TBC1D32: variants seen among roughly 807,000 people sequenced by gnomAD.
The protein encoded by TBC1D32 is protein broad-minded.
In TBC1D32, 151 loss-of-function variants were observed where a neutral mutation model predicts 170.3. That is an observed-to-expected ratio of 0.89 (90% CI 0.78 to 1.01). The LOEUF is 1.01. Among genes scored for constraint, TBC1D32 ranks in the 50% least tolerant of loss-of-function variants. The pLI is 0.00. For synonymous variants in TBC1D32, 498 were observed against 488.0 expected (o/e 1.02, Z -0.27); for missense variants, 1,464 against 1,457.1 (o/e 1.00, Z -0.08).
intron 29 of TBC1D32, among the ~76,000 whole-genome samples, chr6:121,109,733 A>G (rs1443117050): frequency 6.6e-6 from 1 of 152,142 alleles, no homozygotes; most frequent in Non-Finnish European, 1.5e-5. Context: ...TCAAAGGATA[A>G]TTTTTCAAAC....
At chr6:121,181,931 T>C (rs1463150895) in intron 22 of TBC1D32, among the ~76,000 whole-genome samples, 1 of 152,076 alleles carries the variant, frequency 6.6e-6, no homozygotes, top group African/African-American at 2.4e-5. Context: ...GCAGATTTCA[T>C]GGAAGTAGGG....
At position 121,256,403 on chromosome 6, in the gene TBC1D32, A is replaced by G. The variant is rs1238617995; in HGVS notation, c.1734-118T>C. Reference sequence around the variant, plus strand: ...AGTCCTCCTCTAACTTTTCTCAGACATGTCAATATTCACGTTCCCACCCAT... The same window carrying G: ...AGTCCTCCTCTAACTTTTCTCAGACGTGTCAATATTCACGTTCCCACCCAT... On this transcript the variant is annotated intron_variant, in intron 15 of 31. Transcript: ENST00000398212. 1.0e-5 allele frequency: 8 copies of G among 790,104 alleles called. No individual in the cohort carries two copies. In the South Asian group the frequency reaches 1.5e-4, roughly 15 times the overall value. 48.9% of individuals were successfully genotyped at this position (790,104 alleles called of 1,614,324 possible).
intron 22 of TBC1D32, among the ~76,000 whole-genome samples, chr6:121,185,691 C>A (rs543320339): frequency 6.6e-6 from 1 of 152,178 alleles, no homozygotes; most frequent in Admixed American, 6.6e-5. Flanking sequence ...AACTTCACAT[C>A]CTTGGCTACT....
intron 15 of TBC1D32, among the ~76,000 whole-genome samples, chr6:121,277,109 A>C (rs1053449567): frequency 6.6e-6 from 1 of 152,300 alleles, no homozygotes; most frequent in African/African-American, 2.4e-5. Context: ...TACAGAGATA[A>C]TTCACTAAGA....
chr6:121,089,900 T>G (rs974644660), intron 31 of TBC1D32, among the ~76,000 whole-genome samples: 8 of 151,836 alleles, frequency 5.3e-5, no homozygotes, highest in African/African-American at 1.9e-4. Flanking sequence ...ATGGCAAAGG[T>G]AGTAGGGATA....
At chr6:121,303,575 G>T in intron 9 of TBC1D32, 42 bp downstream of exon 9, 1 of 1,410,210 alleles carries the variant, frequency 7.1e-7, no homozygotes, top group Non-Finnish European at 9.5e-7. Context: ...AAATGATATA[G>T]CAATGCACTA....
intron 30 of TBC1D32, among the ~76,000 whole-genome samples, chr6:121,091,858 C>T (rs570210901): frequency 6.6e-5 from 10 of 152,182 alleles, no homozygotes; most frequent in African/African-American, 9.6e-5. Context: ...GAGGTCATTA[C>T]GGTGAGCCCT....
chr6:121,123,334 G>C (rs1467564600), intron 26 of TBC1D32, among the ~76,000 whole-genome samples: 3 of 152,038 alleles, frequency 2.0e-5, no homozygotes, highest in Admixed American at 2.0e-4. Context: ...GCCAAAAGTA[G>C]AGTGAAGTCC....
At chr6:121,273,437 C>A (rs111489655) in intron 15 of TBC1D32, among the ~76,000 whole-genome samples, 2,836 of 151,144 alleles carry the variant, frequency 0.019, 97 homozygotes, top group African/African-American at 0.066. Context: ...GAGAACTGAA[C>A]AATGAGAACA....
chr6:121,183,074 C>T (rs1005867655), intron 22 of TBC1D32, among the ~76,000 whole-genome samples: 3 of 151,364 alleles, frequency 2.0e-5, no homozygotes, highest in Non-Finnish European at 4.4e-5. Flanking sequence ...GTAAATACAC[C>T]AGAGCATCTC....
chr6:121,198,480 G>C lies in TBC1D32; in HGVS notation c.2570+6595C>G, dbSNP rs139031322. Among the ~76,000 whole-genome samples the C allele has an allele frequency of 9.3e-3, 1,401 of 150,452 alleles. 80 individuals carry two copies. The highest frequency in any genetic ancestry group is 0.033 in the African/African-American group (1,315 of 40,150). On this transcript the variant is annotated intron_variant, in intron 22 of 31. Coordinates refer to ENST00000398212, the MANE Select transcript of TBC1D32 (RefSeq NM_152730.6). ...CAGTAAAGAGTGACCGGCCTGGCAC[G>C]GTGGCTCATGCCAGTAATCCCAGCA...
rs200654402 is a variant in TBC1D32, at chr6:121,304,782, T to C, written c.742A>G (p.Met248Val). The C allele has an allele frequency of 1.3e-5, 21 of 1,608,486 alleles. No individual in the cohort carries two copies. Among genetic ancestry groups the C allele is most frequent in the African/African-American group, 4.0e-5 (3 of 74,618 alleles). The change falls in exon 6 of 32, where the codon ATG becomes GTG. Residue 248 changes from methionine to valine, a missense_variant. Met to Val is a conservative substitution (Grantham distance 21). Around this residue, in one of 3 missense-constraint regions of TBC1D32, gnomAD observed 1,363 missense variants for 1,338.1 expected, o/e 1.02. Transcript: ENST00000398212. The part of the protein sequence containing the change: ...AQTFLLSPLH[M>V]TKEIYTSLAK... ...AAGCTTGTATAAATTTCCTTGGTCATATGTAATGGAGAAAGCAAAAATGTC... is the reference window on the plus strand; with the variant it reads ...AAGCTTGTATAAATTTCCTTGGTCACATGTAATGGAGAAAGCAAAAATGTC...
rs955942446 is a variant in TBC1D32 at position 121,281,327 on chromosome 6, A to C, written c.1608+217T>G. Among the ~76,000 whole-genome samples the C allele has an allele frequency of 3.7e-4, 56 of 151,738 alleles. 1 individual carries two copies. The highest frequency in any genetic ancestry group is 1.3e-3 in the African/African-American group (56 of 41,516). ...ATCTAGTCCAATTAAAAAAAAACTT[A>C]GATATTCTATGTTCTTTCCCTCTGC... On this transcript the variant is annotated intron_variant, in intron 14 of 31. Coordinates refer to ENST00000398212, the MANE Select transcript of TBC1D32 (RefSeq NM_152730.6).
chr6:121,306,212 T>A (rs553924205), intron 5 of TBC1D32, among the ~76,000 whole-genome samples: 2 of 152,268 alleles, frequency 1.3e-5, no homozygotes, highest in South Asian at 4.1e-4. Flanking sequence ...TGCATCCAAG[T>A]ATTAGGTAAA....
intron 20 of TBC1D32, among the ~76,000 whole-genome samples, chr6:121,230,785 A>G (rs1182412149): frequency 6.6e-6 from 1 of 151,548 alleles, no homozygotes; most frequent in East Asian, 1.9e-4. Context: ...TGGTGTTTCT[A>G]GTCATTTATT....
chr6:121,080,875 C>T lies in TBC1D32; in HGVS notation c.3670G>A (p.Gly1224Arg). ...TCAAAATAATCACTCACTCGAAACC[C>T]ATGCAGTGCTTCTTCCTGCCAAAAA... Reference protein sequence around the residue: ...QVFLKEEALHGFRVSDYFEYM... With the variant: ...QVFLKEEALHRFRVSDYFEYM... The change falls in exon 32 of 32, where the codon GGG becomes AGG. Residue 1224 changes from glycine (G) to arginine (R), a missense_variant. Gly to Arg is a moderately radical substitution (Grantham distance 125). Transcript: ENST00000398212. 6.2e-7 allele frequency: 1 copy of T among 1,611,392 alleles called. No homozygotes were observed. The highest frequency in any genetic ancestry group is 8.5e-7 in the Non-Finnish European group (1 of 1,179,242).
intron 22 of TBC1D32, among the ~76,000 whole-genome samples, chr6:121,186,047 T>G (rs549284585): frequency 6.6e-6 from 1 of 152,266 alleles, no homozygotes; most frequent in East Asian, 1.9e-4. Context: ...GGGAAAATGA[T>G]TTTCTTTGGT....
chr6:121,105,545 G>T (rs1778590635), intron 30 of TBC1D32, among the ~76,000 whole-genome samples: 1 of 151,962 alleles, frequency 6.6e-6, no homozygotes, highest in Non-Finnish European at 1.5e-5. Flanking sequence ...ATCTGTGGCT[G>T]TATATGACCA....
chr6:121,242,490 T>TA (rs1381254450), intron 17 of TBC1D32, 151 bp from the exon 18 acceptor site: 4 of 661,322 alleles, frequency 6.0e-6, no homozygotes, highest in Non-Finnish European at 9.6e-6. Flanking sequence ...TAAAATTAAA[T>TA]AAAAACATGG....
Sources: allele counts gnomAD v4.1 joint callset (sites outside exome capture counted in the v4.1 genomes callset), GRCh38; gene constraint gnomAD v4.1.1; regional missense constraint gnomAD v4.1.1; transcripts MANE v1.5; gene names NCBI Gene and HGNC (gene_info 2026-07-23, HGNC 2026-07-21).